Variants in MOB3B observed in about 807,000 individuals in gnomAD.
MOB3B encodes MOB kinase activator-like 2B.
A neutral mutation model predicts 18.7 loss-of-function variants in MOB3B; 7 were observed. The observed-to-expected ratio is 0.37, with a 90% CI of 0.21 to 0.70. The LOEUF (loss-of-function observed/expected upper bound fraction) is 0.70, where lower values mean the gene tolerates loss of function less well. Among genes scored for constraint, MOB3B ranks in the 30% least tolerant of loss-of-function variants. The pLI is 0.52. For missense variants in MOB3B, 253 were observed against 281.3 expected (o/e 0.90, Z 0.72); for synonymous variants, 111 against 99.9 (o/e 1.11, Z -0.66).
intron 3 of MOB3B, among the ~76,000 whole-genome samples, chr9:27,333,355 T>TA (rs34342309): frequency 0.31 from 45,788 of 149,080 alleles, 7,318 homozygotes; most frequent in East Asian, 0.44. Context: ...AATGAGCTGT[T>TA]AAAAAAAAAA....
intron 2 of MOB3B, among the ~76,000 whole-genome samples, chr9:27,438,519 A>G (rs143448622): frequency 6.6e-6 from 1 of 152,286 alleles, no homozygotes; most frequent in East Asian, 1.9e-4. Flanking sequence ...TTGTAGGTCT[A>G]TTTATTGGGT....
chr9:27,506,373 C>T (rs1290828796), intron 1 of MOB3B, among the ~76,000 whole-genome samples: 1 of 152,176 alleles, frequency 6.6e-6, no homozygotes, highest in East Asian at 1.9e-4. Flanking sequence ...AGGTAATTTG[C>T]CAAGCCCATA....
At chr9:27,483,460 T>C (rs1471082421) in intron 1 of MOB3B, among the ~76,000 whole-genome samples, 1 of 152,204 alleles carries the variant, frequency 6.6e-6, no homozygotes, top group Non-Finnish European at 1.5e-5. Context: ...CATTGTTAAA[T>C]CTAACAAATT....
At position 27,353,612 on chromosome 9, in the gene MOB3B, TG is replaced by T. The variant is rs576082358; in HGVS notation, c.621+5421del. Among the ~76,000 whole-genome samples the T allele has an allele frequency of 9.8e-5, 15 of 152,290 alleles. No individual in the cohort carries two copies. The South Asian group carries it at 3.1e-3, about 32-fold the overall frequency. ...CCTTGGAGAGAGAATGAGAAGGTCC[TG>T]GACCAAGGTCACCCAGGGGTTAGCA... On this transcript the variant is annotated intron_variant, in intron 3 of 3. Transcript: ENST00000262244.
rs1203811398 is a variant in MOB3B, at chr9:27,432,127, GCTAT to G, written c.418+23002_418+23005del. ...TAAAAGTTTAATTAAAGGGAAGAAG[GCTAT>G]CTATTATTAAAATGGTCACAGAAAA... On this transcript the variant is annotated intron_variant, in intron 2 of 3. Coordinates refer to ENST00000262244, the MANE Select transcript of MOB3B (RefSeq NM_024761.5). 4.6e-5 allele frequency among the ~76,000 whole-genome samples: 7 copies of G among 152,272 alleles called. No homozygotes were observed. The South Asian group carries it at 1.2e-3, about 27-fold the overall frequency.
chr9:27,383,773 T>C (rs143568910), intron 2 of MOB3B, among the ~76,000 whole-genome samples: 56 of 152,368 alleles, frequency 3.7e-4, no homozygotes, highest in African/African-American at 1.3e-3. Flanking sequence ...GTTCATTTAT[T>C]ATTTATACTG....
chr9:27,406,761 C>T (rs529490990), intron 2 of MOB3B, among the ~76,000 whole-genome samples: 5 of 151,978 alleles, frequency 3.3e-5, no homozygotes, highest in South Asian at 2.1e-4. Context: ...AAGACTTAAT[C>T]GAAGACCTGA....
chr9:27,469,332 C>A (rs1030035578), intron 1 of MOB3B, among the ~76,000 whole-genome samples: 2 of 152,086 alleles, frequency 1.3e-5, no homozygotes, highest in African/African-American at 4.8e-5. Flanking sequence ...GAAAACTCAA[C>A]TTCTGTGACT....
chr9:27,525,444 C>G (rs1002327305), intron 1 of MOB3B, among the ~76,000 whole-genome samples: 2 of 152,160 alleles, frequency 1.3e-5, no homozygotes. Context: ...TTTTCCCCCT[C>G]CTGCTCGGGG....
intron 3 of MOB3B, among the ~76,000 whole-genome samples, chr9:27,356,905 A>C (rs1465923413): frequency 6.6e-6 from 1 of 151,742 alleles, no homozygotes; most frequent in Non-Finnish European, 1.5e-5. Context: ...CTGTTTACCC[A>C]AAACAGCCTT....
At chr9:27,377,267 T>C (rs914031168) in intron 2 of MOB3B, among the ~76,000 whole-genome samples, 1 of 152,184 alleles carries the variant, frequency 6.6e-6, no homozygotes, top group African/African-American at 2.4e-5. Flanking sequence ...CCAAAACAGA[T>C]GTTTGTTTCC....
At chr9:27,464,767 TC>T (rs1228059319) in intron 1 of MOB3B, among the ~76,000 whole-genome samples, 5 of 152,118 alleles carry the variant, frequency 3.3e-5, no homozygotes, top group Non-Finnish European at 5.9e-5. Flanking sequence ...GGAAGACACT[TC>T]TTACATGGCA....
At chr9:27,452,534 G>A (rs1018461127) in intron 2 of MOB3B, among the ~76,000 whole-genome samples, 7 of 152,130 alleles carry the variant, frequency 4.6e-5, no homozygotes, top group Non-Finnish European at 8.8e-5. Flanking sequence ...GGTTCATAAA[G>A]AACTCAAATA....
chr9:27,444,154 AGAAG>A lies in MOB3B; in HGVS notation c.418+10975_418+10978del, dbSNP rs146325733. Among the ~76,000 whole-genome samples, 763 of 142,666 alleles carry A rather than the reference AGAAG, an allele frequency of 5.3e-3. 7 individuals are homozygous for A. Among genetic ancestry groups the A allele is most frequent in the African/African-American group, 0.018 (683 of 37,242 alleles). 93.6% of individuals were successfully genotyped at this position (142,666 alleles called of 152,430 possible). A position where few individuals can be genotyped will look rare whatever the true frequency, so the allele number is the denominator to read the frequency against. ...AGAGAGAGAGAGAAAGAAGAAGGAA[AGAAG>A]GAAGGAAGGAAGGAAAGAAGGAAGG... On this transcript the variant is annotated intron_variant, in intron 2 of 3. Coordinates refer to ENST00000262244, the MANE Select transcript of MOB3B (RefSeq NM_024761.5).
At chr9:27,482,049 C>T (rs1239186306) in intron 1 of MOB3B, among the ~76,000 whole-genome samples, 1 of 151,816 alleles carries the variant, frequency 6.6e-6, no homozygotes, top group Admixed American at 6.6e-5. Context: ...GAACGAAAAG[C>T]ACGGTAAATA....
intron 2 of MOB3B, among the ~76,000 whole-genome samples, chr9:27,408,231 G>T (rs1016465268): frequency 6.6e-6 from 1 of 152,164 alleles, no homozygotes; most frequent in African/African-American, 2.4e-5. Context: ...CTACTGGAAG[G>T]ATGCATGTAC....
intron 1 of MOB3B, among the ~76,000 whole-genome samples, chr9:27,467,612 T>G (rs1819406730): frequency 6.6e-6 from 1 of 152,262 alleles, no homozygotes; most frequent in Non-Finnish European, 1.5e-5. Flanking sequence ...CATCCTACTA[T>G]CCTCTCTATG....
chr9:27,526,643 G>C (rs146221979), intron 1 of MOB3B: 7 of 152,272 alleles, frequency 4.6e-5, no homozygotes, highest in Non-Finnish European at 1.0e-4. Flanking sequence ...GGCAGGGGTA[G>C]AAGTCAGAAC....
At chr9:27,331,757 C>T (rs1198725012) in intron 3 of MOB3B, among the ~76,000 whole-genome samples, 1 of 152,166 alleles carries the variant, frequency 6.6e-6, no homozygotes, top group East Asian at 1.9e-4. Flanking sequence ...TGCTGCAGAG[C>T]TGACTGCAGC....
Sources: gnomAD v4.1 joint callset for allele counts (sites outside exome capture counted in the v4.1 genomes callset) on GRCh38, gnomAD v4.1.1 for gene constraint, MANE v1.5 for transcripts, NCBI Gene and HGNC (gene_info 2026-07-23, HGNC 2026-07-21) for gene names.